The following WASHC4 variants were observed in gnomAD, a reference collection of about 807,000 sequenced individuals.
The protein encoded by WASHC4 is WASH complex subunit 7.
Under a neutral mutation model 166.6 loss-of-function variants are expected in WASHC4, and 86 were observed. That is an observed-to-expected ratio of 0.52 (90% CI 0.43 to 0.62). The LOEUF (loss-of-function observed/expected upper bound fraction) is 0.62. WASHC4 is among the 20% of genes least tolerant of loss of function. The pLI, the probability that WASHC4 is intolerant of heterozygous loss-of-function variation, is 0.00. For missense variants in WASHC4, 1,262 were observed against 1,382.4 expected (o/e 0.91, Z 1.38); for synonymous variants, 446 against 451.6 (o/e 0.99, Z 0.16).
At chr12:105,157,466 T>C (rs1566028604) in intron 28 of WASHC4, 144 bp downstream of exon 28, 2 of 581,596 alleles carry the variant, frequency 3.4e-6, no homozygotes, top group Non-Finnish European at 6.1e-6. Context: ...TTTTTAAGAC[T>C]TCAGTATTCT....
Position 105,146,491 on chromosome 12 carries a change from T to C in WASHC4, c.2374T>C (p.Phe792Leu). Reference sequence around the variant, plus strand: ...AGAAATTATGAGAAACATTCATATATTTGTGTCCCGATACCTCTATAATCT... The same window carrying C: ...AGAAATTATGAGAAACATTCATATACTTGTGTCCCGATACCTCTATAATCT... ...VLEIMRNIHI[F>L]VSRYLYNLNN... Residue 792 changes from phenylalanine to leucine, a missense_variant, in exon 23 of 33, where the codon TTT (phenylalanine) becomes CTT (leucine). By Grantham distance (22) the Phe-to-Leu change is conservative. Transcript: ENST00000332180. The C allele has an allele frequency of 6.2e-7, 1 of 1,605,038 alleles. No homozygotes were observed. Among genetic ancestry groups the C allele is most frequent in the Non-Finnish European group, 8.5e-7 (1 of 1,172,156 alleles).
chr12:105,117,273 T>C (rs191424472), intron 6 of WASHC4, among the ~76,000 whole-genome samples: 134 of 152,326 alleles, frequency 8.8e-4, no homozygotes, highest in African/African-American at 3.1e-3. Flanking sequence ...TTTTCTTGAT[T>C]TATCTTTTTC....
intron 8 of WASHC4, 110 bp downstream of exon 8, chr12:105,120,707 T>C (rs1029263996): frequency 4.6e-4 from 187 of 403,732 alleles, no homozygotes; most frequent in Non-Finnish European, 3.3e-4. Context: ...TAAAGAGGCG[T>C]GTGTGTGTGT....
intron 3 of WASHC4, 38 bp downstream of exon 3, chr12:105,114,307 GT>G (rs1207504089): frequency 1.9e-6 from 3 of 1,598,480 alleles, no homozygotes; most frequent in African/African-American, 1.3e-5. Context: ...TTTTAAAAAT[GT>G]TTTAGTTATC....
At chr12:105,122,863 T>G (rs1281515980) in intron 10 of WASHC4, among the ~76,000 whole-genome samples, 1 of 152,196 alleles carries the variant, frequency 6.6e-6, no homozygotes, top group Non-Finnish European at 1.5e-5. Context: ...CCTTTCTCCC[T>G]CTCTTCAAGC....
intron 15 of WASHC4, among the ~76,000 whole-genome samples, chr12:105,138,832 A>G (rs1240864133): frequency 6.6e-6 from 1 of 152,222 alleles, no homozygotes; most frequent in East Asian, 1.9e-4. Flanking sequence ...ATGTATAAAT[A>G]TGTAATACAT....
intron 1 of WASHC4, among the ~76,000 whole-genome samples, chr12:105,108,255 G>A (rs969136870): frequency 7.2e-5 from 11 of 152,234 alleles, no homozygotes; most frequent in African/African-American, 2.4e-4. Flanking sequence ...GTTCAGCTCT[G>A]GAGGACGCTG....
At position 105,107,817 on chromosome 12, in the gene WASHC4, T is replaced by C; in HGVS notation, c.17T>C (p.Leu6Pro). The C allele has an allele frequency of 6.4e-7, 1 of 1,551,042 alleles. No homozygotes were observed. Among genetic ancestry groups the C allele is most frequent in the Non-Finnish European group, 8.7e-7 (1 of 1,146,592 alleles). Residue 6 changes from leucine (L) to proline (P), a missense_variant, in exon 1 of 33, where the codon CTG (leucine) becomes CCG (proline). Physicochemically the swap from Leu to Pro is moderately conservative, Grantham distance 98. Coordinates refer to ENST00000332180, the MANE Select transcript of WASHC4 (RefSeq NM_015275.3). ...GCCGGGGTGATGGCGGTGGAGACTCTGTCCCCGGACTGGGAGTTTGACCGC... is the reference window on the plus strand; with the variant it reads ...GCCGGGGTGATGGCGGTGGAGACTCCGTCCCCGGACTGGGAGTTTGACCGC... Reference protein sequence around the residue: MAVETLSPDWEFDRVD... With the variant: MAVETPSPDWEFDRVD...
intron 14 of WASHC4, among the ~76,000 whole-genome samples, chr12:105,137,317 C>T (rs1882415155): frequency 6.6e-6 from 1 of 152,148 alleles, no homozygotes; most frequent in African/African-American, 2.4e-5. Context: ...AAGCCTAATG[C>T]AGCACCAAAC....
chr12:105,142,236 A>G (rs1267173653), intron 18 of WASHC4, among the ~76,000 whole-genome samples: 1 of 152,182 alleles, frequency 6.6e-6, no homozygotes, highest in African/African-American at 2.4e-5. Flanking sequence ...GCATATGTGC[A>G]GAATTCTGAC....
intron 6 of WASHC4, among the ~76,000 whole-genome samples, chr12:105,117,802 T>G (rs1880329048): frequency 6.6e-6 from 1 of 152,170 alleles, no homozygotes; most frequent in South Asian, 2.1e-4. Flanking sequence ...TACACACTGT[T>G]TCTATAGGTT....
rs928550743 is a variant in WASHC4, at chr12:105,122,331, A to C, written c.786+93A>C. The C allele has an allele frequency of 2.3e-6, 3 of 1,321,922 alleles. No individual in the cohort carries two copies. In the African/African-American group the frequency reaches 4.4e-5, roughly 19 times the overall value. The allele number at this position is 1,321,922 out of a possible 1,614,324, so 81.9% of individuals were successfully genotyped here. A position where few individuals can be genotyped will look rare whatever the true frequency, so the allele number is the denominator to read the frequency against. On this transcript the variant is annotated intron_variant, in intron 10 of 32. Transcript: ENST00000332180. ...AGGACACTTTTATAATATACTGTTGAATATAATTTTCTTTAAAAAGTGCTT... is the reference window on the plus strand; with the variant it reads ...AGGACACTTTTATAATATACTGTTGCATATAATTTTCTTTAAAAAGTGCTT...
At chr12:105,129,973 T>A (rs1281986728) in intron 13 of WASHC4, among the ~76,000 whole-genome samples, 2 of 152,218 alleles carry the variant, frequency 1.3e-5, no homozygotes, top group Non-Finnish European at 2.9e-5. Context: ...GCTTACTATA[T>A]GCTAGTAGGT....
intron 3 of WASHC4, 30 bp downstream of exon 3, chr12:105,114,299 T>G: frequency 6.2e-7 from 1 of 1,601,774 alleles, no homozygotes; most frequent in East Asian, 2.2e-5. Flanking sequence ...AAAAATTGTT[T>G]TAAAAATGTT....
intron 26 of WASHC4, among the ~76,000 whole-genome samples, chr12:105,152,658 A>C (rs573714039): frequency 6.6e-6 from 1 of 152,324 alleles, no homozygotes; most frequent in South Asian, 2.1e-4. Context: ...TAATCACGTA[A>C]ATAAAACCTC....
intron 20 of WASHC4, among the ~76,000 whole-genome samples, chr12:105,143,779 A>G (rs1381162429): frequency 6.6e-6 from 1 of 151,994 alleles, no homozygotes; most frequent in African/African-American, 2.4e-5. Flanking sequence ...AAAATGAGGA[A>G]ATTTCACAAT....
chr12:105,134,782 T>G (rs914148308), intron 14 of WASHC4, among the ~76,000 whole-genome samples: 1 of 151,954 alleles, frequency 6.6e-6, no homozygotes, highest in Non-Finnish European at 1.5e-5. Flanking sequence ...CTTTGTTTTT[T>G]TTTCTTCATA....
intron 28 of WASHC4, 122 bp downstream of exon 28, chr12:105,157,444 T>C: frequency 3.2e-6 from 2 of 618,410 alleles, no homozygotes; most frequent in Non-Finnish European, 5.7e-6. Flanking sequence ...GGCCTCAGTT[T>C]ATGAAGTATA....
At position 105,144,844 on chromosome 12, in the gene WASHC4, C is replaced by T; in HGVS notation, c.2306C>T (p.Ala769Val). ...TQRYGLVMTE[A>V]HLPSQTLEQG... ...CGTTATGGACTGGTTATGACAGAGGCACATCTTCCCAGTCAGACTTTGGAA... is the reference window on the plus strand; with the variant it reads ...CGTTATGGACTGGTTATGACAGAGGTACATCTTCCCAGTCAGACTTTGGAA... Residue 769 changes from alanine (A) to valine (V), a missense_variant, in exon 22 of 33, where the codon GCA (alanine) becomes GTA (valine). Transcript: ENST00000332180. 6.2e-7 allele frequency: 1 copy of T among 1,613,122 alleles called. No individual in the cohort carries two copies. The highest frequency in any genetic ancestry group is 8.5e-7 in the Non-Finnish European group (1 of 1,179,408).
Sources: allele counts gnomAD v4.1 joint callset (sites outside exome capture counted in the v4.1 genomes callset), GRCh38; gene constraint gnomAD v4.1.1; transcripts MANE v1.5; gene names NCBI Gene and HGNC (gene_info 2026-07-23, HGNC 2026-07-21).